Variants in TTC39C observed in about 807,000 individuals in gnomAD.
TTC39C encodes the protein tetratricopeptide repeat domain 39C, also known as tetratricopeptide repeat protein 39C.
TTC39C carries 33 observed loss-of-function variants against 76.3 expected under a neutral mutation model. The observed-to-expected ratio is 0.43, with a 90% confidence interval of 0.33 to 0.58. TTC39C has a LOEUF of 0.58. TTC39C is among the 20% of genes least tolerant of loss of function. The probability of loss-of-function intolerance (pLI) is 0.04; values close to 1 mark genes in which losing one functional copy is unlikely to be tolerated. For synonymous variants in TTC39C, 254 were observed against 260.6 expected (o/e 0.97, Z 0.24); for missense variants, 595 against 701.4 (o/e 0.85, Z 1.71).
intron 1 of TTC39C, among the ~76,000 whole-genome samples, chr18:24,031,685 G>T (rs1349126495): frequency 2.0e-5 from 3 of 152,078 alleles, no homozygotes; most frequent in African/African-American, 7.2e-5. Flanking sequence ...TATCCTCCCT[G>T]CCCTTCCTTT....
At chr18:24,104,286 T>C (rs1030772296) in intron 6 of TTC39C, among the ~76,000 whole-genome samples, 3 of 152,208 alleles carry the variant, frequency 2.0e-5, no homozygotes, top group African/African-American at 7.2e-5. Context: ...TGACCTCCTG[T>C]TGCCTCTGCA....
chr18:24,071,246 C>T (rs961575290), intron 4 of TTC39C, among the ~76,000 whole-genome samples: 4 of 152,106 alleles, frequency 2.6e-5, no homozygotes, highest in African/African-American at 7.2e-5. Context: ...TAAATGAGTA[C>T]GTCTGTCTTT....
rs914628352 is a variant in TTC39C at position 24,102,162 on chromosome 18, G to A, written c.985-12392G>A. ...GCTCTTTTCCTATCTAGACAGAATC[G>A]TGTCTGAATTGTAAATCCCACTACG... On this transcript the variant is annotated intron_variant, in intron 6 of 13. Coordinates refer to ENST00000317571, the MANE Select transcript of TTC39C (RefSeq NM_001135993.2). Among the ~76,000 whole-genome samples, 4 of 152,196 alleles carry A rather than the reference G, an allele frequency of 2.6e-5. No individual in the cohort carries two copies. In the South Asian group the frequency reaches 6.2e-4, roughly 24 times the overall value.
At chr18:24,053,224 G>A (rs989930342) in intron 1 of TTC39C, among the ~76,000 whole-genome samples, 7 of 152,168 alleles carry the variant, frequency 4.6e-5, no homozygotes, top group Admixed American at 3.3e-4. Context: ...CTTGGCCACC[G>A]TCTGAGGGAA....
intron 6 of TTC39C, chr18:24,099,111 AACGTGTGTG>A (rs2084644124): frequency 9.0e-6 from 1 of 111,540 alleles, no homozygotes; most frequent in African/African-American, 4.3e-5. Context: ...ATATATATAA[AACGTGTGTG>A]TGTGTGTGTG....
At chr18:24,028,671 A>G (rs1439358442) in intron 1 of TTC39C, among the ~76,000 whole-genome samples, 2 of 152,210 alleles carry the variant, frequency 1.3e-5, no homozygotes, top group African/African-American at 2.4e-5. Context: ...CTTCCCTTTG[A>G]AATGACTTTT....
At chr18:24,087,832 T>C (rs2084464580) in intron 6 of TTC39C, among the ~76,000 whole-genome samples, 1 of 152,040 alleles carries the variant, frequency 6.6e-6, no homozygotes. Context: ...TTTGAAACAG[T>C]CTCCTGAGCT....
At chr18:24,020,287 C>A (rs563284719) in intron 1 of TTC39C, 2 of 997,860 alleles carry the variant, frequency 2.0e-6, no homozygotes, top group African/African-American at 3.5e-5. Flanking sequence ...ATTAAAGATT[C>A]ATTTGGCTTG....
chr18:24,064,266 T>C lies in TTC39C; in HGVS notation c.216+78T>C, dbSNP rs760950589. ...AATGTCTGTTAGTGGCTACCAGTTGTATAGATACACTATTGTAGAAAGTCT... is the reference window on the plus strand; with the variant it reads ...AATGTCTGTTAGTGGCTACCAGTTGCATAGATACACTATTGTAGAAAGTCT... On this transcript the variant is annotated intron_variant, in intron 2 of 13. Transcript: ENST00000317571. 3 of 1,516,008 alleles carry C rather than the reference T, an allele frequency of 2.0e-6. No individual in the cohort carries two copies. The African/African-American group carries it at 4.2e-5, about 21-fold the overall frequency. The allele number at this position is 1,516,008 out of a possible 1,614,324, so 93.9% of individuals were successfully genotyped here.
At chr18:24,001,794 C>T (rs2083312137) in intron 1 of TTC39C, 1 of 148,860 alleles carries the variant, frequency 6.7e-6, no homozygotes, top group Non-Finnish European at 1.5e-5. Flanking sequence ...CAGAATGCAA[C>T]ATGGGAGGGT....
intron 9 of TTC39C, 40 bp from the exon 10 acceptor site, chr18:24,125,387 T>G (rs1204293363): frequency 6.2e-7 from 1 of 1,612,254 alleles, no homozygotes; most frequent in African/African-American, 1.3e-5. Flanking sequence ...TTTGAATTTG[T>G]TTTTGAAAAA....
At chr18:24,044,435 T>C (rs1352409469) in intron 1 of TTC39C, among the ~76,000 whole-genome samples, 2 of 152,210 alleles carry the variant, frequency 1.3e-5, no homozygotes, top group Non-Finnish European at 2.9e-5. Flanking sequence ...AAGAGGTGGC[T>C]GGTCAAGGAC....
intron 10 of TTC39C, among the ~76,000 whole-genome samples, chr18:24,126,845 C>G (rs1470155733): frequency 6.6e-6 from 1 of 152,076 alleles, no homozygotes; most frequent in South Asian, 2.1e-4. Flanking sequence ...TTGCATAATT[C>G]AAAACCCCTC....
intron 8 of TTC39C, among the ~76,000 whole-genome samples, chr18:24,122,052 C>T (rs1568445717): frequency 6.6e-6 from 1 of 152,168 alleles, no homozygotes; most frequent in Admixed American, 6.5e-5. Context: ...AGGAACCTGC[C>T]GTCTTTCCCA....
chr18:24,062,123 A>T (rs2084109034), intron 1 of TTC39C, among the ~76,000 whole-genome samples: 1 of 152,160 alleles, frequency 6.6e-6, no homozygotes, highest in South Asian at 2.1e-4. Flanking sequence ...AAATGATAAG[A>T]TGGTAGGTGA....
At chr18:24,029,294 G>C (rs1435740036) in intron 1 of TTC39C, among the ~76,000 whole-genome samples, 1 of 152,062 alleles carries the variant, frequency 6.6e-6, no homozygotes, top group Non-Finnish European at 1.5e-5. Flanking sequence ...GTAAAGACGG[G>C]GTTTTTCCGT....
At chr18:24,122,500 CAAA>C (rs36002596) in intron 8 of TTC39C, among the ~76,000 whole-genome samples, 5 of 51,042 alleles carry the variant, frequency 9.8e-5, no homozygotes, top group East Asian at 1.4e-3. Flanking sequence ...GACTCCATCT[CAAA>C]AAAAAAAAAA....
At chr18:24,073,033 G>C (rs984544080) in intron 4 of TTC39C, among the ~76,000 whole-genome samples, 4 of 152,190 alleles carry the variant, frequency 2.6e-5, no homozygotes, top group Non-Finnish European at 5.9e-5. Context: ...TGCTGTCCAC[G>C]TGCTCCCACC....
chr18:24,123,086 A>G (rs777412201), intron 8 of TTC39C, among the ~76,000 whole-genome samples: 1 of 152,226 alleles, frequency 6.6e-6, no homozygotes, highest in South Asian at 2.1e-4. Context: ...TGGACAGGAC[A>G]GATTGATGAC....
Sources: gnomAD v4.1 joint callset for allele counts (sites outside exome capture counted in the v4.1 genomes callset) on GRCh38, gnomAD v4.1.1 for gene constraint, MANE v1.5 for transcripts, NCBI Gene and HGNC (gene_info 2026-07-23, HGNC 2026-07-21) for gene names.